DYSF: variants seen among roughly 807,000 people sequenced by gnomAD.
DYSF encodes dysferlin, also known as dystrophy-associated fer-1-like 1.
Under a neutral mutation model 274.9 loss-of-function variants are expected in DYSF, and 212 were observed. That is an observed-to-expected ratio of 0.77 (90% confidence interval 0.69 to 0.86). The LOEUF is 0.86. Ranked by LOEUF, DYSF falls within the 40% of genes least tolerant of loss-of-function variation. DYSF has a pLI of 0.00. For synonymous variants in DYSF, 1,091 were observed against 1,078.7 expected, an observed-to-expected ratio of 1.01 and a Z score of -0.22; for missense variants, 2,666 against 2,783.2, an observed-to-expected ratio of 0.96 and a Z score of 0.95.
chr2:71,655,212 A>G (rs1191853434), intron 42 of DYSF, among the ~76,000 whole-genome samples: 1 of 152,158 alleles, frequency 6.6e-6, no homozygotes, highest in Non-Finnish European at 1.5e-5. Flanking sequence ...AATGCTGATC[A>G]AATAACTAGT....
intron 33 of DYSF, among the ~76,000 whole-genome samples, chr2:71,600,480 G>T (rs1364314031): frequency 6.6e-6 from 1 of 152,214 alleles, no homozygotes; most frequent in African/African-American, 2.4e-5. Context: ...TCCCGACCAT[G>T]ATGGGAATTC....
intron 7 of DYSF, among the ~76,000 whole-genome samples, chr2:71,514,311 G>A (rs2086429998): frequency 6.6e-6 from 1 of 152,128 alleles, no homozygotes; most frequent in African/African-American, 2.4e-5. Flanking sequence ...CTGTATACTT[G>A]TTAGACATGC....
intron 1 of DYSF, among the ~76,000 whole-genome samples, chr2:71,469,342 C>A (rs1303754029): frequency 6.6e-6 from 1 of 152,204 alleles, no homozygotes; most frequent in Non-Finnish European, 1.5e-5. Context: ...TCACCAAAGA[C>A]CACTGCCAAC....
intron 30 of DYSF, among the ~76,000 whole-genome samples, chr2:71,579,667 G>A (rs2092822527): frequency 6.6e-6 from 1 of 152,136 alleles, no homozygotes; most frequent in Non-Finnish European, 1.5e-5. Context: ...TTACAGTTGG[G>A]GAGACTGAGG....
chr2:71,591,771 C>T (rs1012563960), intron 32 of DYSF, among the ~76,000 whole-genome samples: 4 of 152,228 alleles, frequency 2.6e-5, no homozygotes, highest in African/African-American at 9.6e-5. Flanking sequence ...TGCTGGTCCA[C>T]TCTCCTCCGC....
intron 40 of DYSF, among the ~76,000 whole-genome samples, chr2:71,617,425 C>T (rs2093909087): frequency 6.6e-6 from 1 of 152,206 alleles, no homozygotes; most frequent in African/African-American, 2.4e-5. Context: ...GGGAAGGCGG[C>T]CTCTGAGGCG....
chr2:71,494,756 G>A (rs2084206481), intron 3 of DYSF, among the ~76,000 whole-genome samples: 1 of 152,148 alleles, frequency 6.6e-6, no homozygotes, highest in Non-Finnish European at 1.5e-5. Flanking sequence ...CATTAGGTTG[G>A]GTGTCTCATC....
intron 3 of DYSF, among the ~76,000 whole-genome samples, 173 bp downstream of exon 3, chr2:71,482,143 C>T (rs2082966600): frequency 2.0e-5 from 3 of 152,172 alleles, no homozygotes; most frequent in Non-Finnish European, 4.4e-5. Flanking sequence ...GCTGTGGCTT[C>T]AGGAACTCAG....
rs755103680 is a variant in DYSF at position 71,539,208 on chromosome 2, G to A, written c.1545G>A (p.Ser515=). The change falls in exon 17 of 56, where the codon TCG becomes TCA. Residue 515 remains serine (S), a synonymous_variant. Transcript: ENST00000410020. ...TGGCTACCACCTACCTGAGTATGTC[G>A]AAAATCTCTGCCCCTGGAGGAGAAA... ...DIVATTYLSM[S]KISAPGGEIE... The A allele has an allele frequency of 1.5e-5, 25 of 1,613,914 alleles. No individual in the cohort carries two copies. The highest frequency in any genetic ancestry group is 2.7e-5 in the African/African-American group (2 of 74,860).
At chr2:71,482,527 C>T (rs1338801806) in intron 3 of DYSF, among the ~76,000 whole-genome samples, 2 of 151,980 alleles carry the variant, frequency 1.3e-5, no homozygotes, top group Non-Finnish European at 2.9e-5. Flanking sequence ...TTTCATGTAC[C>T]TAGTGGTGGG....
chr2:71,457,146 A>G (rs1459438147), intron 1 of DYSF, among the ~76,000 whole-genome samples: 2 of 152,224 alleles, frequency 1.3e-5, no homozygotes, highest in Non-Finnish European at 2.9e-5. Flanking sequence ...TTTAACTGAC[A>G]CCATGCTTAT....
intron 40 of DYSF, among the ~76,000 whole-genome samples, chr2:71,618,061 A>G (rs1574389782): frequency 2.8e-5 from 1 of 35,582 alleles, no homozygotes; most frequent in Non-Finnish European, 5.2e-5. Context: ...TGTGTGTGGT[A>G]GAGATGGGGT....
rs529460308 is a variant in DYSF, at chr2:71,501,236, T to A, written c.240-1978T>A. On this transcript the variant is annotated intron_variant, in intron 3 of 55. Transcript: ENST00000410020. ...ATTAGTGAATATCTCTCCCCCTCTA[T>A]CCCCTTCTTTCAGAAAGGGTTAGAA... is the stretch of plus-strand genomic sequence containing the variant. 3.4e-4 allele frequency among the ~76,000 whole-genome samples: 52 copies of A among 152,258 alleles called. 2 individuals carry two copies. In the South Asian group the frequency reaches 0.011, roughly 32 times the overall value.
At chr2:71,545,139 C>T (rs1178052094) in intron 17 of DYSF, among the ~76,000 whole-genome samples, 2 of 152,074 alleles carry the variant, frequency 1.3e-5, no homozygotes, top group South Asian at 2.1e-4. Context: ...GCCACCGGCA[C>T]GTGAGGAGTA....
intron 17 of DYSF, among the ~76,000 whole-genome samples, chr2:71,541,247 A>G (rs1469675916): frequency 6.6e-6 from 1 of 152,236 alleles, no homozygotes; most frequent in Admixed American, 6.5e-5. Context: ...CCATAAAACC[A>G]TATGGGCTGG....
intron 3 of DYSF, among the ~76,000 whole-genome samples, chr2:71,490,333 G>A (rs1445308228): frequency 6.6e-6 from 1 of 152,132 alleles, no homozygotes; most frequent in Non-Finnish European, 1.5e-5. Context: ...TTAACGATTT[G>A]GTGCGTATCT....
chr2:71,533,235 G>T (rs1395582493), intron 14 of DYSF, among the ~76,000 whole-genome samples: 5 of 152,170 alleles, frequency 3.3e-5, no homozygotes, highest in Non-Finnish European at 7.3e-5. Flanking sequence ...ATCCAGGCTT[G>T]TCTTGAACTC....
intron 52 of DYSF, 134 bp from the exon 53 acceptor site, chr2:71,678,923 A>G: frequency 1.3e-6 from 1 of 767,028 alleles, no homozygotes; most frequent in Admixed American, 2.0e-5. Flanking sequence ...GTGAGATTTT[A>G]CCTGTGGCTC....
intron 52 of DYSF, among the ~76,000 whole-genome samples, chr2:71,676,145 G>A (rs547220860): frequency 1.7e-4 from 26 of 152,048 alleles, no homozygotes; most frequent in Non-Finnish European, 2.5e-4. Flanking sequence ...CACATCCTTC[G>A]ATCCTTTGTG....
Sources: allele counts gnomAD v4.1 joint callset (sites outside exome capture counted in the v4.1 genomes callset), GRCh38; gene constraint gnomAD v4.1.1; transcripts MANE v1.5; gene names NCBI Gene and HGNC (gene_info 2026-07-23, HGNC 2026-07-21).